HHLA1: variants seen among roughly 807,000 people sequenced by gnomAD.
HHLA1 encodes the protein HERV-H LTR-associating protein 1.
HHLA1 carries 72 observed loss-of-function variants against 69.9 expected under a neutral mutation model. That is an observed-to-expected ratio of 1.03 (90% CI 0.85 to 1.25). HHLA1 has a LOEUF of 1.25. Ranked by LOEUF, HHLA1 falls within the 50% of genes most tolerant of loss-of-function variation. HHLA1 has a pLI of 0.00. For missense variants in HHLA1, 685 were observed against 642.2 expected, an observed-to-expected ratio of 1.07 and a Z score of -0.72; for synonymous variants, 252 against 233.2, an observed-to-expected ratio of 1.08 and a Z score of -0.73.
chr8:132,072,799 C>T (rs968363652), intron 14 of HHLA1, among the ~76,000 whole-genome samples: 2 of 151,982 alleles, frequency 1.3e-5, no homozygotes, highest in Admixed American at 1.3e-4. Context: ...AGATGTTAAC[C>T]GATAGCAATA....
chr8:132,089,746 T>C, intron 7 of HHLA1, 147 bp from the exon 8 acceptor site: 1 of 612,726 alleles, frequency 1.6e-6, no homozygotes. Flanking sequence ...AGAGAAATAC[T>C]ACTAATTCTA....
chr8:132,101,434 G>A (rs540089448), intron 3 of HHLA1, among the ~76,000 whole-genome samples: 6 of 152,178 alleles, frequency 3.9e-5, no homozygotes, highest in African/African-American at 9.6e-5. Flanking sequence ...ACCATATTGG[G>A]CTAGTGGCTA....
At chr8:132,087,430 C>T (rs1261506410) in intron 10 of HHLA1, among the ~76,000 whole-genome samples, 2 of 152,176 alleles carry the variant, frequency 1.3e-5, no homozygotes, top group Non-Finnish European at 2.9e-5. Flanking sequence ...GGCAGTTACT[C>T]AGCTCCAGTT....
chr8:132,073,616 T>C (rs1277561376), intron 14 of HHLA1, among the ~76,000 whole-genome samples: 1 of 152,238 alleles, frequency 6.6e-6, no homozygotes, highest in Non-Finnish European at 1.5e-5. Flanking sequence ...CAGCAAGATC[T>C]GACTCTGAAG....
intron 14 of HHLA1, among the ~76,000 whole-genome samples, chr8:132,073,611 A>G (rs1317126932): frequency 6.6e-6 from 1 of 152,208 alleles, no homozygotes; most frequent in African/African-American, 2.4e-5. Flanking sequence ...AACTCCAGCA[A>G]GATCTGACTC....
intron 14 of HHLA1, among the ~76,000 whole-genome samples, chr8:132,071,903 A>ATG (rs1823551801): frequency 6.6e-6 from 1 of 151,912 alleles, no homozygotes; most frequent in Admixed American, 6.6e-5. Context: ...ATGTATATGC[A>ATG]TGTGTGTGTG....
chr8:132,104,375 G>C (rs1016505850), intron 2 of HHLA1, among the ~76,000 whole-genome samples: 4 of 152,136 alleles, frequency 2.6e-5, no homozygotes, highest in South Asian at 4.2e-4. Flanking sequence ...TGGTGCTATT[G>C]AGTGCCGAGT....
chr8:132,072,073 G>T (rs896706786), intron 14 of HHLA1, among the ~76,000 whole-genome samples: 2 of 152,158 alleles, frequency 1.3e-5, no homozygotes, highest in African/African-American at 4.8e-5. Context: ...CTGGCATGCT[G>T]GGTCACTGGA....
intron 15 of HHLA1, 69 bp downstream of exon 15, chr8:132,071,271 C>A: frequency 7.1e-7 from 1 of 1,412,418 alleles, no homozygotes; most frequent in Non-Finnish European, 9.6e-7. Flanking sequence ...TTGTGGCCTG[C>A]AGAAAAGCCA....
rs1453966393 is a variant in HHLA1, at chr8:132,065,973, A to G, written c.1470-5T>C. ...GAATAGTATTCAAGACAGTATCTAA[A>G]GATTTAAATCAGAGCAGGGAGCAAT... is the stretch of plus-strand genomic sequence containing the variant. On this transcript the variant is annotated splice_polypyrimidine_tract_variant and splice_region_variant and intron_variant, in intron 15 of 16. Transcript: ENST00000414222. 7.9e-7 allele frequency: 1 copy of G among 1,258,020 alleles called. No individual in the cohort carries two copies. The highest frequency in any genetic ancestry group is 5.6e-5 in the East Asian group (1 of 17,794). 77.9% of individuals were successfully genotyped at this position (1,258,020 alleles called of 1,614,324 possible).
At position 132,063,749 on chromosome 8, in the gene HHLA1, A is replaced by G. The variant is rs1823390980; in HGVS notation, c.*246T>C. On this transcript the variant is annotated 3_prime_UTR_variant, in exon 17 of 17. Transcript: ENST00000414222. ...GATTTCCATGATTTTGAAGCAGGCA[A>G]GGAGTCTGGCATTACTGTATTAATT... The G allele has an allele frequency of 5.3e-6, 1 of 188,272 alleles. No individual in the cohort carries two copies. The highest frequency in any genetic ancestry group is 1.2e-5 in the Non-Finnish European group (1 of 86,592). The allele number at this position is 188,272 out of a possible 1,614,324, so 11.7% of individuals were successfully genotyped here. A position where few individuals can be genotyped will look rare whatever the true frequency, so the allele number is the denominator to read the frequency against.
intron 3 of HHLA1, among the ~76,000 whole-genome samples, chr8:132,101,759 A>T (rs952608344): frequency 6.6e-6 from 1 of 151,980 alleles, no homozygotes; most frequent in Non-Finnish European, 1.5e-5. Flanking sequence ...TTTTTAGTAG[A>T]TCTGGGGTTT....
chr8:132,083,948 T>G (rs189871389), intron 10 of HHLA1, among the ~76,000 whole-genome samples: 96,073 of 148,226 alleles, frequency 0.65, 31,176 homozygotes, highest in South Asian at 0.74. Flanking sequence ...ATAAAATGTA[T>G]TTTGAGAATA....
At chr8:132,064,896 T>C (rs989525314) in intron 16 of HHLA1, among the ~76,000 whole-genome samples, 15 of 152,204 alleles carry the variant, frequency 9.9e-5, no homozygotes, top group Admixed American at 2.6e-4. Flanking sequence ...AATGGAAAGA[T>C]TGGGTTATTA....
At chr8:132,098,172 G>A (rs1349441468) in intron 5 of HHLA1, among the ~76,000 whole-genome samples, 3 of 152,144 alleles carry the variant, frequency 2.0e-5, no homozygotes, top group African/African-American at 7.2e-5. Context: ...AAGGCAGTGA[G>A]GAATGTACAC....
intron 7 of HHLA1, among the ~76,000 whole-genome samples, chr8:132,091,729 G>A (rs1369095103): frequency 6.6e-6 from 1 of 152,214 alleles, no homozygotes; most frequent in African/African-American, 2.4e-5. Flanking sequence ...ATTTAAGACT[G>A]TCTCTTAACA....
At position 132,070,469 on chromosome 8, in the gene HHLA1, A is replaced by G. The variant is rs1823514103; in HGVS notation, c.1469+871T>C. The G allele has an allele frequency of 2.1e-5, 14 of 678,674 alleles. 1 individual carries two copies. In the South Asian group the frequency reaches 2.2e-4, roughly 11 times the overall value. 42.0% of individuals were successfully genotyped at this position (678,674 alleles called of 1,614,324 possible). A position where few individuals can be genotyped will look rare whatever the true frequency, so the allele number is the denominator to read the frequency against. ...CATTTGGATTAAAGAACCACTCAAG[A>G]TCCTCTGCCATGATCCTCTGCCATA... is the stretch of plus-strand genomic sequence containing the variant. On this transcript the variant is annotated intron_variant, in intron 15 of 16. Transcript: ENST00000414222.
intron 15 of HHLA1, among the ~76,000 whole-genome samples, chr8:132,069,347 C>T (rs1254415802): frequency 6.6e-6 from 1 of 151,914 alleles, no homozygotes; most frequent in Non-Finnish European, 1.5e-5. Flanking sequence ...GCCAACTTTC[C>T]CACCAGTGTT....
At chr8:132,104,336 A>G (rs1436655668) in intron 2 of HHLA1, among the ~76,000 whole-genome samples, 169 bp from the exon 3 acceptor site, 2 of 152,212 alleles carry the variant, frequency 1.3e-5, no homozygotes, top group East Asian at 1.9e-4. Flanking sequence ...TCGTCATCAA[A>G]TATTTGTTGA....
Sources: gnomAD v4.1 joint callset for allele counts (sites outside exome capture counted in the v4.1 genomes callset) on GRCh38, gnomAD v4.1.1 for gene constraint, MANE v1.5 for transcripts, NCBI Gene and HGNC (gene_info 2026-07-23, HGNC 2026-07-21) for gene names.